The following CEP83 variants were observed in gnomAD, a reference collection of about 807,000 sequenced individuals.
CEP83 encodes the protein centrosomal protein 83, also known as centrosomal protein of 83 kDa.
In CEP83, 70 loss-of-function variants were observed where a neutral mutation model predicts 101.9. That is an observed-to-expected ratio of 0.69 (90% confidence interval 0.57 to 0.84). The LOEUF (loss-of-function observed/expected upper bound fraction) is 0.84. Ranked by LOEUF, CEP83 falls within the 40% of genes least tolerant of loss-of-function variation. The probability of loss-of-function intolerance (pLI) is 0.00; values close to 1 mark genes in which losing one functional copy is unlikely to be tolerated. For missense variants in CEP83, 715 were observed against 787.2 expected, an observed-to-expected ratio of 0.91 and a Z score of 1.10; for synonymous variants, 264 against 267.9, an observed-to-expected ratio of 0.99 and a Z score of 0.14.
intron 2 of CEP83, among the ~76,000 whole-genome samples, chr12:94,426,820 G>C (rs926416234): frequency 6.6e-6 from 1 of 152,122 alleles, no homozygotes; most frequent in Middle Eastern, 3.2e-3. Context: ...TGACCACGGA[G>C]ACAGAGACTG....
intron 6 of CEP83, among the ~76,000 whole-genome samples, chr12:94,398,412 T>C (rs2063033727): frequency 6.6e-6 from 1 of 152,116 alleles, no homozygotes; most frequent in Non-Finnish European, 1.5e-5. Flanking sequence ...GAACATAAAT[T>C]ATGAAGATTT....
intron 14 of CEP83, 199 bp from the exon 15 acceptor site, chr12:94,313,216 T>C (rs1257857385): frequency 3.0e-6 from 1 of 328,860 alleles, no homozygotes. Context: ...ATATTCTCAA[T>C]GTGACAATTA....
rs1241182982 is a variant in CEP83, at chr12:94,393,831, C to T, written c.549+7019G>A. 1.2e-4 allele frequency among the ~76,000 whole-genome samples: 18 copies of T among 152,116 alleles called. No individual in the cohort carries two copies. In the South Asian group the frequency reaches 1.2e-3, roughly 11 times the overall value. ...CACAAGCATTCCTATACACCATTAACGGACAAACAGAGAGCCAAATCATGA... is the reference window on the plus strand; with the variant it reads ...CACAAGCATTCCTATACACCATTAATGGACAAACAGAGAGCCAAATCATGA... On this transcript the variant is annotated intron_variant, in intron 6 of 16. Coordinates refer to ENST00000397809, the MANE Select transcript of CEP83 (RefSeq NM_016122.3).
At chr12:94,396,971 C>T (rs1048756443) in intron 6 of CEP83, among the ~76,000 whole-genome samples, 43 of 152,128 alleles carry the variant, frequency 2.8e-4, no homozygotes, top group Non-Finnish European at 8.8e-5. Context: ...GTTTCATGAT[C>T]CACAATCATC....
chr12:94,376,471 G>T (rs1260144060), intron 7 of CEP83, among the ~76,000 whole-genome samples: 2 of 151,724 alleles, frequency 1.3e-5, no homozygotes, highest in Non-Finnish European at 2.9e-5. Flanking sequence ...AAGAAACAGG[G>T]AAAGATATGA....
intron 2 of CEP83, among the ~76,000 whole-genome samples, chr12:94,412,962 C>T (rs1044002242): frequency 5.3e-5 from 8 of 152,070 alleles, no homozygotes; most frequent in Non-Finnish European, 1.2e-4. Flanking sequence ...ACGCCATTCT[C>T]CTGCCTCAGC....
chr12:94,338,114 C>T (rs955861194), intron 11 of CEP83, among the ~76,000 whole-genome samples: 3 of 151,986 alleles, frequency 2.0e-5, no homozygotes, highest in African/African-American at 7.3e-5. Flanking sequence ...TTCTAGGTGA[C>T]GACAAGGTCC....
chr12:94,357,037 A>G (rs986832809), intron 11 of CEP83, among the ~76,000 whole-genome samples: 2 of 152,198 alleles, frequency 1.3e-5, no homozygotes, highest in Admixed American at 6.5e-5. Context: ...TAAAACAGGG[A>G]CCAAGGGAAC....
chr12:94,304,803 GGATCTGTCT>G (rs540641612), downstream of CEP83, among the ~76,000 whole-genome samples: 16 of 152,204 alleles, frequency 1.1e-4, no homozygotes, highest in Non-Finnish European at 2.1e-4. Context: ...GGGAAGGGAA[GGATCTGTCT>G]CTGACCAGGA....
At chr12:94,400,767 AT>A in intron 6 of CEP83, 82 bp downstream of exon 6, 1 of 810,492 alleles carries the variant, frequency 1.2e-6, no homozygotes, top group African/African-American at 1.8e-5. Flanking sequence ...ATCGACTCTA[AT>A]TTGAAATTTT....
downstream of CEP83, chr12:94,304,221 C>T (rs1028167364): frequency 5.4e-5 from 29 of 536,754 alleles, no homozygotes; most frequent in African/African-American, 5.0e-4. Context: ...CTGTACATGG[C>T]TGCCCCCCTT....
chr12:94,438,646 A>C (rs1444575429), intron 1 of CEP83, among the ~76,000 whole-genome samples: 1 of 152,226 alleles, frequency 6.6e-6, no homozygotes, highest in African/African-American at 2.4e-5. Flanking sequence ...TAAGACAGAA[A>C]GTCAACAAGG....
At chr12:94,356,311 G>C (rs2060472550) in intron 11 of CEP83, among the ~76,000 whole-genome samples, 1 of 152,212 alleles carries the variant, frequency 6.6e-6, no homozygotes, top group African/African-American at 2.4e-5. Flanking sequence ...TGAAGTAACA[G>C]AAGAGGTTAC....
At chr12:94,341,693 G>A (rs1380325247) in intron 11 of CEP83, among the ~76,000 whole-genome samples, 4 of 152,056 alleles carry the variant, frequency 2.6e-5, no homozygotes, top group Non-Finnish European at 5.9e-5. Flanking sequence ...TTATCAATGT[G>A]ACTAACAGAA....
the CEP83 span, chr12:94,297,293 C>T: frequency 9.9e-6 from 16 of 1,612,132 alleles, no homozygotes; most frequent in East Asian, 1.3e-4. Context: ...CCTTGGGTAA[C>T]GCTTCTGCTG....
At chr12:94,294,512 C>A in the CEP83 span, 1 of 1,318,162 alleles carries the variant, frequency 7.6e-7, no homozygotes, top group Non-Finnish European at 1.1e-6. Flanking sequence ...CTATAAAAGT[C>A]TTTAAGAAGA....
At position 94,309,919 on chromosome 12, in the gene CEP83, T is replaced by C. The variant is rs752381662; in HGVS notation, c.2000A>G (p.Gln667Arg). ...SMELPFPPHM[Q>R]EEQHQRELSL... ...TCCCCCTAAAATAAATGCTCATACC[T>C]GCATATGAGGAGGAAATGGTAGTTC... The change falls in exon 16 of 17, where the codon CAG (glutamine) becomes CGG (arginine). Residue 667 changes from glutamine (Q) to arginine (R), a missense_variant and splice_region_variant. Transcript: ENST00000397809. 18 of 1,559,946 alleles carry C rather than the reference T, an allele frequency of 1.2e-5. No homozygotes were observed. In the Admixed American group the frequency reaches 3.1e-4, roughly 27 times the overall value.
chr12:94,350,627 A>C (rs887919276), intron 11 of CEP83, among the ~76,000 whole-genome samples: 4 of 152,182 alleles, frequency 2.6e-5, no homozygotes, highest in Non-Finnish European at 4.4e-5. Flanking sequence ...ACAAAAAAAA[A>C]CAGACAAAAT....
At chr12:94,451,616 C>T (rs7137627) in intron 1 of CEP83, among the ~76,000 whole-genome samples, 1,842 of 152,100 alleles carry the variant, frequency 0.012, 52 homozygotes, top group African/African-American at 0.042. Flanking sequence ...CTACTAGATA[C>T]TAACTAGAAT....
Sources: gnomAD v4.1 joint callset for allele counts (sites outside exome capture counted in the v4.1 genomes callset) on GRCh38, gnomAD v4.1.1 for gene constraint, MANE v1.5 for transcripts, NCBI Gene and HGNC (gene_info 2026-07-23, HGNC 2026-07-21) for gene names.